The following GGPS1 variants were observed in gnomAD, a reference collection of about 807,000 sequenced individuals.
GGPS1 encodes geranylgeranyl pyrophosphate synthase.
In GGPS1, 15 loss-of-function variants were observed where a neutral mutation model predicts 28.1. That is an observed-to-expected ratio of 0.53 (90% CI 0.36 to 0.82). GGPS1 has a LOEUF of 0.82. Among genes scored for constraint, GGPS1 ranks in the 40% least tolerant of loss-of-function variants. The probability of loss-of-function intolerance (pLI) is 0.01; values close to 1 mark genes in which losing one functional copy is unlikely to be tolerated. For synonymous variants in GGPS1, 138 were observed against 122.4 expected (o/e 1.13, Z -0.84); for missense variants, 284 against 348.3 (o/e 0.82, Z 1.47).
chr1:235,337,754 T>C (rs1374334236), intron 2 of GGPS1, among the ~76,000 whole-genome samples: 1 of 151,722 alleles, frequency 6.6e-6, no homozygotes, highest in African/African-American at 2.4e-5. Context: ...GAGGCAGAGG[T>C]TGCAGTGAGC....
rs545138920 is a variant in GGPS1 at position 235,343,326 on chromosome 1, C to G, written c.*554C>G. ...ATCCCAGCACTTTGGGAGGCCGAGGCGGGCAGATCACGAGGTCAGGAGATC... is the reference window on the plus strand; with the variant it reads ...ATCCCAGCACTTTGGGAGGCCGAGGGGGGCAGATCACGAGGTCAGGAGATC... On this transcript the variant is annotated 3_prime_UTR_variant, in exon 4 of 4. Coordinates refer to ENST00000282841, the MANE Select transcript of GGPS1 (RefSeq NM_004837.4). The G allele has an allele frequency of 1.8e-5, 3 of 162,642 alleles. No individual in the cohort carries two copies. Among genetic ancestry groups the G allele is most frequent in the African/African-American group, 7.2e-5 (3 of 41,434 alleles). The allele number at this position is 162,642 out of a possible 1,614,324, so 10.1% of individuals were successfully genotyped here. A position where few individuals can be genotyped will look rare whatever the true frequency, so the allele number is the denominator to read the frequency against.
rs773826312 is a variant in GGPS1, at chr1:235,342,037, GCATAATGCCAGTTTACT to G, written c.172_188del (p.Asn58ArgfsTer2). The G allele has an allele frequency of 3.8e-6, 6 of 1,592,416 alleles. No homozygotes were observed. Among genetic ancestry groups the G allele is most frequent in the Non-Finnish European group, 5.1e-6 (6 of 1,168,990 alleles). The stretch of plus-strand genomic sequence containing the variant: ...TTATTATTGAAGTGACAGAAATGTT[GCATAATGCCAGTTTACT>G]CATCGATGATATTGAAGACAACTCA... On this transcript the variant is annotated frameshift_variant, in exon 4 of 4. Coordinates refer to ENST00000282841, the MANE Select transcript of GGPS1 (RefSeq NM_004837.4). LOFTEE classifies it high-confidence loss of function.
At chr1:235,333,338 G>T (rs942579546) in intron 1 of GGPS1, among the ~76,000 whole-genome samples, 3 of 151,742 alleles carry the variant, frequency 2.0e-5, no homozygotes, top group Non-Finnish European at 4.4e-5. Context: ...AGGCTGAGGC[G>T]GGTGGATCGC....
chr1:235,341,492 T>C (rs2789368), intron 2 of GGPS1, among the ~76,000 whole-genome samples: 7 of 152,158 alleles, frequency 4.6e-5, no homozygotes, highest in African/African-American at 1.7e-4. Context: ...TGCCCTAATT[T>C]TAGAAGGTTG....
Position 235,335,218 on chromosome 1 carries a change from C to A in GGPS1, c.-23-24C>A, listed in dbSNP as rs372026861. ...TGAAAGATGATTAGTTTCATGTGATCTTTATGTTTCTCCTTTTTGACAGAT... is the reference window on the plus strand; with the variant it reads ...TGAAAGATGATTAGTTTCATGTGATATTTATGTTTCTCCTTTTTGACAGAT... On this transcript the variant is annotated intron_variant, in intron 1 of 3. Coordinates refer to ENST00000282841, the MANE Select transcript of GGPS1 (RefSeq NM_004837.4). 4.2e-6 allele frequency: 4 copies of A among 946,770 alleles called. No homozygotes were observed. In the African/African-American group the frequency reaches 4.9e-5, roughly 12 times the overall value. The allele number at this position is 946,770 out of a possible 1,614,324, so 58.6% of individuals were successfully genotyped here.
intron 2 of GGPS1, among the ~76,000 whole-genome samples, chr1:235,340,521 G>A (rs535252902): frequency 6.6e-6 from 1 of 150,966 alleles, no homozygotes; most frequent in Non-Finnish European, 1.5e-5. Flanking sequence ...CGGATCACGA[G>A]GTCAGGAGAT....
intron 1 of GGPS1, chr1:235,329,942 A>C (rs1359706197): frequency 6.6e-6 from 1 of 152,242 alleles, no homozygotes; most frequent in Non-Finnish European, 1.5e-5. Flanking sequence ...AATTTCTGGC[A>C]GCTTTTTAGT....
chr1:235,332,299 C>T (rs894783962), intron 1 of GGPS1, among the ~76,000 whole-genome samples: 11 of 152,156 alleles, frequency 7.2e-5, no homozygotes, highest in African/African-American at 2.7e-4. Flanking sequence ...TATCTAGCTC[C>T]CATTTATAAT....
rs1020358304 is a variant in GGPS1, at chr1:235,343,519, C to A, written c.*747C>A. 1 of 166,620 alleles carries A rather than the reference C, an allele frequency of 6.0e-6. No individual in the cohort carries two copies. Among genetic ancestry groups the A allele is most frequent in the Non-Finnish European group, 1.5e-5 (1 of 68,222 alleles). The allele number at this position is 166,620 out of a possible 1,614,324, so 10.3% of individuals were successfully genotyped here. On this transcript the variant is annotated 3_prime_UTR_variant, in exon 4 of 4. Coordinates refer to ENST00000282841, the MANE Select transcript of GGPS1 (RefSeq NM_004837.4). Reference sequence around the variant, plus strand: ...TGAGCCGAGATAGTGCCTCTGCACTCCAGCCTGGGTGACAGAGCGAGACTC... The same window carrying A: ...TGAGCCGAGATAGTGCCTCTGCACTACAGCCTGGGTGACAGAGCGAGACTC...
At chr1:235,332,484 T>C (rs1243770936) in intron 1 of GGPS1, among the ~76,000 whole-genome samples, 1 of 152,248 alleles carries the variant, frequency 6.6e-6, no homozygotes, top group Non-Finnish European at 1.5e-5. Flanking sequence ...ACACTTAGGT[T>C]GATTCCATAT....
At chr1:235,334,489 T>C (rs12757645) in intron 1 of GGPS1, among the ~76,000 whole-genome samples, 42,975 of 152,112 alleles carry the variant, frequency 0.28, 7,047 homozygotes, top group South Asian at 0.52. Flanking sequence ...AAAGTGTACA[T>C]TTCAGCAGTT....
At chr1:235,330,886 G>A (rs987807492) in intron 1 of GGPS1, among the ~76,000 whole-genome samples, 12 of 152,186 alleles carry the variant, frequency 7.9e-5, no homozygotes, top group Non-Finnish European at 1.3e-4. Flanking sequence ...AGAAAAGATA[G>A]ATACTAACAT....
At chr1:235,330,421 T>A (rs570808360) in intron 1 of GGPS1, 1 of 151,860 alleles carries the variant, frequency 6.6e-6, no homozygotes, top group South Asian at 2.1e-4. Flanking sequence ...GGAGGCGGAG[T>A]TTGCAGTGAG....
intron 2 of GGPS1, among the ~76,000 whole-genome samples, chr1:235,341,282 A>G (rs1676038114): frequency 6.6e-6 from 1 of 151,928 alleles, no homozygotes; most frequent in African/African-American, 2.4e-5. Flanking sequence ...AGCCGAGATC[A>G]CGCCACTGCA....
Position 235,335,353 on chromosome 1 carries a change from T to C in GGPS1, c.70+19T>C. ...TTACCAGGTAATACTTCACTTACAG[T>C]CCATATAGGGTCATTTTCATGCAGT... is the stretch of plus-strand genomic sequence containing the variant. On this transcript the variant is annotated intron_variant, in intron 2 of 3. Coordinates refer to ENST00000282841, the MANE Select transcript of GGPS1 (RefSeq NM_004837.4). 1 of 1,159,146 alleles carries C rather than the reference T, an allele frequency of 8.6e-7. No homozygotes were observed. Among genetic ancestry groups the C allele is most frequent in the Non-Finnish European group, 1.3e-6 (1 of 773,920 alleles). 71.8% of individuals were successfully genotyped at this position (1,159,146 alleles called of 1,614,324 possible).
intron 2 of GGPS1, among the ~76,000 whole-genome samples, chr1:235,337,683 G>A (rs953658747): frequency 5.9e-5 from 9 of 151,830 alleles, no homozygotes; most frequent in African/African-American, 2.2e-4. Flanking sequence ...ACAAATATTA[G>A]CCAAGTATGG....
At chr1:235,334,600 T>C (rs931291308) in intron 1 of GGPS1, among the ~76,000 whole-genome samples, 31 of 152,236 alleles carry the variant, frequency 2.0e-4, no homozygotes, top group African/African-American at 7.5e-4. Context: ...TTAGTCCCTG[T>C]TCCTAACCAC....
upstream of GGPS1, chr1:235,327,510 G>A (rs1675396543): frequency 1.3e-5 from 2 of 152,224 alleles, no homozygotes; most frequent in African/African-American, 2.4e-5. Context: ...TGAGGGCCGA[G>A]GGCCCCGGAG....
At chr1:235,340,054 C>T (rs781474797) in intron 2 of GGPS1, among the ~76,000 whole-genome samples, 9 of 152,018 alleles carry the variant, frequency 5.9e-5, no homozygotes, top group Non-Finnish European at 1.0e-4. Context: ...ATAGCTTGAT[C>T]TTGGGAGGCG....
Sources: allele counts gnomAD v4.1 joint callset (sites outside exome capture counted in the v4.1 genomes callset), GRCh38; gene constraint gnomAD v4.1.1; transcripts MANE v1.5; gene names NCBI Gene and HGNC (gene_info 2026-07-23, HGNC 2026-07-21).